Variants in PRR35 observed in about 807,000 individuals in gnomAD.
PRR35 encodes proline-rich protein 35.
Under a neutral mutation model 18.6 loss-of-function variants are expected in PRR35, and 14 were observed. The observed-to-expected ratio is 0.75, with a 90% confidence interval of 0.50 to 1.18. The LOEUF (loss-of-function observed/expected upper bound fraction) is 1.18, where lower values mean the gene tolerates loss of function less well. PRR35 is among the 50% of genes most tolerant of loss of function. The pLI is 0.00. For synonymous variants in PRR35, 425 were observed against 378.2 expected (o/e 1.12, Z -1.43); for missense variants, 832 against 792.2 (o/e 1.05, Z -0.60).
rs754350939 is a variant in PRR35, at chr16:563,992, T to G, written c.698T>G (p.Val233Gly). ...CCCTCACTGGCCGCTGCAGCCCATG[T>G]GCCCTTCCTGGCCTCGGCCAGCCCC... ...LGPSLAAAAH[V>G]PFLASASPLL... Residue 233 changes from valine (V) to glycine (G), a missense_variant, in exon 2 of 3, where the codon GTG (valine) becomes GGG (glycine). Val to Gly is a moderately radical substitution (Grantham distance 109). This residue lies in a region of PRR35 where 768 missense variants were observed against 704.1 expected (regional missense o/e 1.09). Transcript: ENST00000409413. 2 of 1,601,706 alleles carry G rather than the reference T, an allele frequency of 1.2e-6. No homozygotes were observed. Among genetic ancestry groups the G allele is most frequent in the Non-Finnish European group, 1.7e-6 (2 of 1,176,042 alleles).
intron 1 of PRR35, among the ~76,000 whole-genome samples, chr16:560,967 G>A (rs1018853799): frequency 1.3e-5 from 2 of 151,818 alleles, no homozygotes; most frequent in African/African-American, 2.4e-5. Context: ...GCGGGTGGCC[G>A]ATCAGGGTCC....
In PRR35 at chr16:564,277, G is replaced by A. The variant is rs530897636; in HGVS notation, c.983G>A (p.Arg328Gln). The stretch of plus-strand genomic sequence containing the variant: ...CCAGGGCAGGAGGGGGAGCTGGAGC[G>A]GGCAGCCCAGAGTGACCCCAGGAGG... Reference protein sequence around the residue: ...RDPGQEGELERAAQSDPRRRL... With the variant: ...RDPGQEGELEQAAQSDPRRRL... The change falls in exon 2 of 3, where the codon CGG (arginine) becomes CAG (glutamine). Residue 328 changes from arginine to glutamine, a missense_variant. Arg to Gln is a conservative substitution (Grantham distance 43, BLOSUM62 1). Transcript: ENST00000409413. 1.3e-5 allele frequency: 20 copies of A among 1,576,786 alleles called. No homozygotes were observed. Among genetic ancestry groups the A allele is most frequent in the South Asian group, 5.7e-5 (5 of 87,104 alleles).
Position 564,080 on chromosome 16 carries a change from C to A in PRR35, c.786C>A (p.Pro262=). The A allele has an allele frequency of 1.3e-6, 2 of 1,558,352 alleles. No homozygotes were observed. Among genetic ancestry groups the A allele is most frequent in the Non-Finnish European group, 1.7e-6 (2 of 1,158,614 alleles). ...CCCCTCAGCGCCCCACCCCGGCCCC[C>A]CGCCTGTACTACCCGCTGCTTCTGG... The part of the protein sequence containing the change: ...VQPPQRPTPA[P]RLYYPLLLEH... The change falls in exon 2 of 3, where the codon CCC becomes CCA. Residue 262 remains proline, a synonymous_variant. Transcript: ENST00000409413.
upstream of PRR35, among the ~76,000 whole-genome samples, chr16:560,058 C>G (rs1227134459): frequency 6.6e-6 from 1 of 151,978 alleles, no homozygotes; most frequent in Non-Finnish European, 1.5e-5. Flanking sequence ...CCCGGGAGAC[C>G]TGGCGGCCTC....
Position 563,115 on chromosome 16 carries a change from G to A in PRR35, c.-39-141G>A, listed in dbSNP as rs59713048. ...GGGGAGGAGCCGAAGGATGGGGCTC[G>A]GGGGGCACGTTGCAGGGCAGAGGCG... On this transcript the variant is annotated intron_variant, in intron 1 of 2. Coordinates refer to ENST00000409413, the MANE Select transcript of PRR35 (RefSeq NM_145270.3). 3,272 of 765,098 alleles carry A rather than the reference G, an allele frequency of 4.3e-3. 80 individuals carry two copies. In the African/African-American group the frequency reaches 0.05, roughly 12 times the overall value. The allele number at this position is 765,098 out of a possible 1,614,324, so 47.4% of individuals were successfully genotyped here. A position where few individuals can be genotyped will look rare whatever the true frequency, so the allele number is the denominator to read the frequency against.
At chr16:560,773 G>A in intron 1 of PRR35, 112 bp downstream of exon 1, 5 of 875,924 alleles carry the variant, frequency 5.7e-6, no homozygotes, top group Non-Finnish European at 5.5e-6. Context: ...GGGGGCGGCC[G>A]GGTCCCCCCC....
At chr16:564,610 G>A (rs2035500220) in intron 2 of PRR35, 64 bp from the exon 3 acceptor site, 1 of 1,451,850 alleles carries the variant, frequency 6.9e-7, no homozygotes, top group South Asian at 1.4e-5. Flanking sequence ...CGTGAGGGGA[G>A]AGGGGCAGGG....
At position 560,940 on chromosome 16, in the gene PRR35, G is replaced by T. The variant is rs55857177; in HGVS notation, c.-40+279G>T. Among the ~76,000 whole-genome samples the T allele has an allele frequency of 1.9e-4, 27 of 140,988 alleles. 1 individual carries two copies. Among genetic ancestry groups the T allele is most frequent in the African/African-American group, 5.8e-4 (22 of 38,066 alleles). 92.5% of individuals were successfully genotyped at this position (140,988 alleles called of 152,430 possible). A position where few individuals can be genotyped will look rare whatever the true frequency, so the allele number is the denominator to read the frequency against. The stretch of plus-strand genomic sequence containing the variant: ...GTGGGGCGCCCTGCGTTCCCGGGGG[G>T]GGGGGCAGCAGGATCTGCGGGTGGC... On this transcript the variant is annotated intron_variant, in intron 1 of 2. Transcript: ENST00000409413.
At position 564,983 on chromosome 16, in the gene PRR35, C is replaced by T. The variant is rs773971536; in HGVS notation, c.1392C>T (p.Pro464=). Residue 464 remains proline, a synonymous_variant, in exon 3 of 3, where the codon CCC becomes CCT. Transcript: ENST00000409413. ...AGGCCGTGAGGCCGCCAGACGCACCCCTCGACCTCTCTGTGAAACGTGCGC... is the reference window on the plus strand; with the variant it reads ...AGGCCGTGAGGCCGCCAGACGCACCTCTCGACCTCTCTGTGAAACGTGCGC... ...LEQAVRPPDA[P]LDLSVKRAPA... The T allele has an allele frequency of 1.2e-6, 2 of 1,607,746 alleles. No individual in the cohort carries two copies. Among genetic ancestry groups the T allele is most frequent in the East Asian group, 2.2e-5 (1 of 44,732 alleles).
Position 564,969 on chromosome 16 carries a change from C to T in PRR35, c.1378C>T (p.Pro460Ser), listed in dbSNP as rs1315719014. Reference protein sequence around the residue: ...IHQALEQAVRPPDAPLDLSVK... With the variant: ...IHQALEQAVRSPDAPLDLSVK... Reference sequence around the variant, plus strand: ...CCAGGCGCTGGAGCAGGCCGTGAGGCCGCCAGACGCACCCCTCGACCTCTC... The same window carrying T: ...CCAGGCGCTGGAGCAGGCCGTGAGGTCGCCAGACGCACCCCTCGACCTCTC... The change falls in exon 3 of 3, where the codon CCG (proline) becomes TCG (serine). Residue 460 changes from proline (P) to serine (S), a missense_variant. Physicochemically the swap from Pro to Ser is moderately conservative, Grantham distance 74. Coordinates refer to ENST00000409413, the MANE Select transcript of PRR35 (RefSeq NM_145270.3). 1 of 1,606,246 alleles carries T rather than the reference C, an allele frequency of 6.2e-7. No homozygotes were observed.
Position 563,930 on chromosome 16 carries a change from C to T in PRR35, c.636C>T (p.Asn212=). 1 of 1,593,780 alleles carries T rather than the reference C, an allele frequency of 6.3e-7. No homozygotes were observed. Residue 212 remains asparagine, a synonymous_variant, in exon 2 of 3, where the codon AAC becomes AAT. Coordinates refer to ENST00000409413, the MANE Select transcript of PRR35 (RefSeq NM_145270.3). ...HSLHLSLLGV[N]YPLSPGLFSY... is the part of the protein sequence containing the mutation. ...TCCACCTGTCTCTGCTGGGCGTCAA[C>T]TACCCGCTCAGCCCCGGCCTCTTCT...
intron 1 of PRR35, among the ~76,000 whole-genome samples, chr16:561,197 G>A (rs1029219057): frequency 1.3e-5 from 2 of 152,222 alleles, no homozygotes; most frequent in African/African-American, 4.8e-5. Context: ...CTGTCCAGGG[G>A]TGTCTTTTGC....
chr16:563,059 T>A (rs1236883726), intron 1 of PRR35, among the ~76,000 whole-genome samples, 197 bp from the exon 2 acceptor site: 66 of 147,184 alleles, frequency 4.5e-4, no homozygotes, highest in South Asian at 9.0e-4. Context: ...TTTGGTGCCC[T>A]GGACTTTGCT....
chr16:565,187 C>T lies in PRR35; in HGVS notation c.1596C>T (p.Leu532=), dbSNP rs201150747. Residue 532 remains leucine, a synonymous_variant, in exon 3 of 3, where the codon CTC becomes CTT. Transcript: ENST00000409413. The stretch of plus-strand genomic sequence containing the variant: ...GCGTCCCACCCCCAGGGCTCCCCCT[C>T]GCAGCCCCAGATGACCCTGTCATTC... The part of the protein sequence containing the change: ...DSSVPPPGLP[L]AAPDDPVIPG... The T allele has an allele frequency of 1.3e-4, 209 of 1,610,952 alleles. 1 individual carries two copies. In the Admixed American group the frequency reaches 2.9e-3, roughly 22 times the overall value.
Position 565,468 on chromosome 16 carries a change from C to T in PRR35, c.*161C>T. On this transcript the variant is annotated 3_prime_UTR_variant, in exon 3 of 3. Transcript: ENST00000409413. ...GCTTGTCCCTGGGGCCACACAGGGA[C>T]ACTGGAGGTCACAGTTATTTATTGA... The T allele has an allele frequency of 1.6e-6, 1 of 630,416 alleles. No homozygotes were observed. The highest frequency in any genetic ancestry group is 2.5e-6 in the Non-Finnish European group (1 of 406,886). The allele number at this position is 630,416 out of a possible 1,614,324, so 39.1% of individuals were successfully genotyped here.
intron 1 of PRR35, among the ~76,000 whole-genome samples, chr16:562,587 ACACACACAGACACACACAGG>A (rs982800444): frequency 6.0e-5 from 5 of 83,536 alleles, no homozygotes; most frequent in African/African-American, 1.7e-4. Flanking sequence ...GCACACATGC[ACACACACAGACACACACAGG>A]CACACACACA....
intron 2 of PRR35, 25 bp downstream of exon 2, chr16:564,401 C>T: frequency 6.3e-7 from 1 of 1,588,268 alleles, no homozygotes; most frequent in Non-Finnish European, 8.5e-7. Flanking sequence ...CTCCCGGTTC[C>T]TGGGGTGGAC....
In PRR35 at chr16:563,645, G is replaced by A; in HGVS notation, c.351G>A (p.Val117=). The A allele has an allele frequency of 6.3e-7, 1 of 1,577,366 alleles. No individual in the cohort carries two copies. The highest frequency in any genetic ancestry group is 8.6e-7 in the Non-Finnish European group (1 of 1,168,582). ...PTGAAPAPDL[V]VADIHSLHCG... ...GTGCTGCCCCCGCGCCTGACCTCGT[G>A]GTCGCCGACATCCACTCCCTGCACT... The change falls in exon 2 of 3, where the codon GTG becomes GTA. Residue 117 remains valine, a synonymous_variant. Transcript: ENST00000409413.
Position 565,072 on chromosome 16 carries a change from C to G in PRR35, c.1481C>G (p.Thr494Ser). The G allele has an allele frequency of 6.3e-7, 1 of 1,592,446 alleles. No homozygotes were observed. Among genetic ancestry groups the G allele is most frequent in the South Asian group, 1.1e-5 (1 of 88,548 alleles). The change falls in exon 3 of 3, where the codon ACC becomes AGC. Residue 494 changes from threonine (T) to serine (S), a missense_variant. Physicochemically the swap from Thr to Ser is moderately conservative, Grantham distance 58. Around this residue, in one of 3 missense-constraint regions of PRR35, gnomAD observed 768 missense variants for 704.1 expected, o/e 1.09. Coordinates refer to ENST00000409413, the MANE Select transcript of PRR35 (RefSeq NM_145270.3). ...WGRPELGPVL[T>S]GGTPEPPGML... ...CGGCCCGAGCTGGGTCCCGTGTTGA[C>G]CGGGGGCACCCCCGAGCCACCCGGC...
Sources: gnomAD v4.1 joint callset for allele counts (sites outside exome capture counted in the v4.1 genomes callset) on GRCh38, gnomAD v4.1.1 for gene constraint, gnomAD v4.1.1 regional missense constraint, MANE v1.5 for transcripts, NCBI Gene and HGNC (gene_info 2026-07-23, HGNC 2026-07-21) for gene names.